NSD1: variants seen among roughly 807,000 people sequenced by gnomAD.
NSD1 encodes the protein histone-lysine N-methyltransferase, H3 lysine-36 specific.
Under a neutral mutation model 242.7 loss-of-function variants are expected in NSD1, and 26 were observed. The observed-to-expected ratio is 0.11, with a 90% confidence interval of 0.08 to 0.15. The LOEUF is 0.15. Ranked by LOEUF, NSD1 falls within the 10% of genes least tolerant of loss-of-function variation. The probability of loss-of-function intolerance (pLI) is 1.00; values close to 1 mark genes in which losing one functional copy is unlikely to be tolerated. For synonymous variants in NSD1, 1,106 were observed against 1,178.1 expected, an observed-to-expected ratio of 0.94 and a Z score of 1.25; for missense variants, 2,495 against 3,272.8, an observed-to-expected ratio of 0.76 and a Z score of 5.80.
chr5:177,285,229 C>T (rs956656765), intron 20 of NSD1, among the ~76,000 whole-genome samples: 3 of 151,996 alleles, frequency 2.0e-5, no homozygotes, highest in Middle Eastern at 3.4e-3. Context: ...ACATATATAC[C>T]TATGCATGTA....
chr5:177,260,431 C>T (rs1439447035), intron 14 of NSD1, among the ~76,000 whole-genome samples: 1 of 148,152 alleles, frequency 6.7e-6, no homozygotes, highest in African/African-American at 2.5e-5. Context: ...ACTGCAGCCT[C>T]CACCTCCCAG....
chr5:177,270,509 A>G (rs1373378413), intron 16 of NSD1, among the ~76,000 whole-genome samples: 1 of 152,244 alleles, frequency 6.6e-6, no homozygotes. Context: ...TTGAAAGATA[A>G]TATATCCCTT....
At chr5:177,139,461 AG>A (rs1410627167) in intron 2 of NSD1, among the ~76,000 whole-genome samples, 1 of 151,324 alleles carries the variant, frequency 6.6e-6, no homozygotes, top group African/African-American at 2.4e-5. Flanking sequence ...AAAAAAAAAA[AG>A]CGGTCAATCT....
In NSD1 at chr5:177,142,988, A is replaced by G. The variant is rs188866767; in HGVS notation, c.927+6958A>G. Among the ~76,000 whole-genome samples, 128 of 152,212 alleles carry G rather than the reference A, an allele frequency of 8.4e-4. 1 individual carries two copies. The highest frequency in any genetic ancestry group is 1.1e-3 in the Non-Finnish European group (72 of 68,008). ...ATACTCTCCCCTTGCTCATGCCTTT[A>G]TTCTCCTGGTCTGATTCATCTTTGC... On this transcript the variant is annotated intron_variant, in intron 2 of 22. Transcript: ENST00000439151.
intron 20 of NSD1, among the ~76,000 whole-genome samples, chr5:177,285,708 C>G (rs143875290): frequency 2.0e-5 from 3 of 151,958 alleles, no homozygotes; most frequent in African/African-American, 7.2e-5. Context: ...TGGGATAGAA[C>G]TGGCCTAGGT....
chr5:177,226,145 C>T (rs1244275070), intron 5 of NSD1, among the ~76,000 whole-genome samples: 2 of 152,134 alleles, frequency 1.3e-5, no homozygotes, highest in Non-Finnish European at 2.9e-5. Context: ...CTCCGGGGCT[C>T]AAGCAATCCT....
chr5:177,245,925 C>A (rs1766248469), intron 9 of NSD1, among the ~76,000 whole-genome samples: 1 of 151,388 alleles, frequency 6.6e-6, no homozygotes. Flanking sequence ...GCATGAGCCA[C>A]CCTGCCCAGC....
chr5:177,142,905 C>A (rs929339762), intron 2 of NSD1, among the ~76,000 whole-genome samples: 3 of 152,286 alleles, frequency 2.0e-5, no homozygotes, highest in South Asian at 4.1e-4. Context: ...AAATCTGATG[C>A]TAGAGCCTTG....
chr5:177,234,552 A>G (rs1437174693), intron 5 of NSD1, among the ~76,000 whole-genome samples: 1 of 152,112 alleles, frequency 6.6e-6, no homozygotes, highest in Non-Finnish European at 1.5e-5. Flanking sequence ...TGCTGTCTGT[A>G]CTAAAAATAC....
At chr5:177,191,384 G>A (rs1261220989) in intron 2 of NSD1, among the ~76,000 whole-genome samples, 2 of 152,168 alleles carry the variant, frequency 1.3e-5, no homozygotes, top group Non-Finnish European at 1.5e-5. Flanking sequence ...ACAGGCATGT[G>A]CCACCACTCC....
chr5:177,249,356 C>G (rs968293546), intron 11 of NSD1, among the ~76,000 whole-genome samples: 14 of 152,088 alleles, frequency 9.2e-5, no homozygotes, highest in African/African-American at 3.1e-4. Flanking sequence ...GCTGTAGTGG[C>G]TCATACCTGT....
At chr5:177,257,224 CTTTCTTTTTT>C in intron 13 of NSD1, 73 bp downstream of exon 13, 2 of 896,774 alleles carry the variant, frequency 2.2e-6, no homozygotes, top group Non-Finnish European at 3.2e-6. Context: ...TTTCTTTTTT[CTTTCTTTTTT>C]TTTTTTTTTT....
At chr5:177,138,760 C>T (rs1306342428) in intron 2 of NSD1, among the ~76,000 whole-genome samples, 1 of 151,804 alleles carries the variant, frequency 6.6e-6, no homozygotes, top group African/African-American at 2.4e-5. Context: ...CTGCCTCAGC[C>T]TTCTGAGTAG....
At chr5:177,169,036 C>T (rs1041805165) in intron 2 of NSD1, among the ~76,000 whole-genome samples, 3 of 152,242 alleles carry the variant, frequency 2.0e-5, no homozygotes, top group South Asian at 2.1e-4. Flanking sequence ...TGACCAATGC[C>T]GGCTGCAGGC....
chr5:177,228,307 G>C (rs898329798), intron 5 of NSD1, among the ~76,000 whole-genome samples: 23 of 150,784 alleles, frequency 1.5e-4, no homozygotes, highest in African/African-American at 5.6e-4. Context: ...TGTCACCCAG[G>C]ATGGAGGGCA....
chr5:177,212,394 A>G (rs1215538945), intron 5 of NSD1, among the ~76,000 whole-genome samples, 199 bp downstream of exon 5: 3 of 152,232 alleles, frequency 2.0e-5, no homozygotes, highest in East Asian at 3.9e-4. Flanking sequence ...TCAAAAGTTA[A>G]ACTTTACCAG....
At chr5:177,282,976 CAG>C (rs1329645526) in intron 19 of NSD1, among the ~76,000 whole-genome samples, 1 of 151,994 alleles carries the variant, frequency 6.6e-6, no homozygotes, top group African/African-American at 2.4e-5. Flanking sequence ...TATTTTGAGA[CAG>C]AGTCTCGTTC....
At chr5:177,243,434 G>A (rs1264407763) in intron 8 of NSD1, among the ~76,000 whole-genome samples, 6 of 152,136 alleles carry the variant, frequency 3.9e-5, no homozygotes, top group Non-Finnish European at 1.5e-5. Context: ...CTGACCTCAG[G>A]TGATCTGCCC....
chr5:177,265,045 CA>C, intron 14 of NSD1: 1 of 761,186 alleles, frequency 1.3e-6, no homozygotes, highest in Non-Finnish European at 2.4e-6. Flanking sequence ...ATATTGAGCA[CA>C]TTAAGCACTC....
Sources: gnomAD v4.1 joint callset for allele counts (sites outside exome capture counted in the v4.1 genomes callset) on GRCh38, gnomAD v4.1.1 for gene constraint, MANE v1.5 for transcripts, NCBI Gene and HGNC (gene_info 2026-07-23, HGNC 2026-07-21) for gene names.